Variants in OOEP observed in about 807,000 individuals in gnomAD.
The protein encoded by OOEP is oocyte expressed protein.
A neutral mutation model predicts 13.7 loss-of-function variants in OOEP; 16 were observed. That is an observed-to-expected ratio of 1.16 (90% CI 0.79 to 1.77). The LOEUF (loss-of-function observed/expected upper bound fraction) is 1.77. Among genes scored for constraint, OOEP ranks in the 40% most tolerant of loss-of-function variants. The pLI, the probability that OOEP is intolerant of heterozygous loss-of-function variation, is 0.00. For synonymous variants in OOEP, 89 were observed against 77.1 expected (o/e 1.15, Z -0.81); for missense variants, 195 against 193.1 (o/e 1.01, Z -0.06).
chr6:73,371,171 T>C (rs1769047805), upstream of OOEP, among the ~76,000 whole-genome samples: 1 of 152,198 alleles, frequency 6.6e-6, no homozygotes, highest in Non-Finnish European at 1.5e-5. Flanking sequence ...TAGGACTGTG[T>C]GGAGGTTCCA....
chr6:73,385,215 C>G (rs1157244734), intron 2 of OOEP, among the ~76,000 whole-genome samples: 1 of 151,628 alleles, frequency 6.6e-6, no homozygotes, highest in Admixed American at 6.6e-5. Flanking sequence ...GGTGTGGTGG[C>G]GGGTGCCTGT....
intron 2 of OOEP, among the ~76,000 whole-genome samples, chr6:73,384,554 G>C (rs1769245027): frequency 6.6e-6 from 1 of 151,994 alleles, no homozygotes; most frequent in African/African-American, 2.4e-5. Flanking sequence ...AGCAAACTTG[G>C]TTGGGCATGG....
chr6:73,390,271 G>C (rs1226786718), intron 2 of OOEP, among the ~76,000 whole-genome samples: 1 of 152,162 alleles, frequency 6.6e-6, no homozygotes, highest in Non-Finnish European at 1.5e-5. Context: ...AAGCTTGACA[G>C]ACACAAAATT....
chr6:73,380,418 T>C (rs1473689916), intron 2 of OOEP, among the ~76,000 whole-genome samples: 1 of 152,124 alleles, frequency 6.6e-6, no homozygotes, highest in African/African-American at 2.4e-5. Context: ...TGAGTGTTCA[T>C]AGTAGTGTTT....
At chr6:73,391,919 C>T (rs1176250100) in intron 2 of OOEP, among the ~76,000 whole-genome samples, 2 of 152,194 alleles carry the variant, frequency 1.3e-5, no homozygotes, top group African/African-American at 4.8e-5. Context: ...TTCTTCAAAG[C>T]ACTGGAAGCC....
At chr6:73,382,602 C>T (rs1769225694) in intron 2 of OOEP, among the ~76,000 whole-genome samples, 1 of 151,978 alleles carries the variant, frequency 6.6e-6, no homozygotes. Context: ...CTCAAATGAT[C>T]CTCCTGCCCC....
intron 2 of OOEP, among the ~76,000 whole-genome samples, chr6:73,378,199 C>A (rs1769158304): frequency 6.6e-6 from 1 of 151,942 alleles, no homozygotes; most frequent in Non-Finnish European, 1.5e-5. Context: ...ACTTCCAGGG[C>A]TCAAGCGATC....
At chr6:73,389,197 C>T (rs189464984) in intron 2 of OOEP, among the ~76,000 whole-genome samples, 1 of 152,256 alleles carries the variant, frequency 6.6e-6, no homozygotes, top group African/African-American at 2.4e-5. Flanking sequence ...GCCAGGGCTT[C>T]CCTCCTGAGG....
Position 73,369,719 on chromosome 6 carries a change from C to T in OOEP, c.74G>A (p.Arg25His), listed in dbSNP as rs758304583. ...QTPAHSLEQL[R>H]RLPLPPPQIR... The stretch of plus-strand genomic sequence containing the variant: ...CTGTGGCGGCGGAAGTGGTAACCTA[C>T]GCAGCTGCTCCAGGGAGTGGGCCGG... The change falls in exon 1 of 3, where the codon CGT (arginine) becomes CAT (histidine). Residue 25 changes from arginine (R) to histidine (H), a missense_variant. Coordinates refer to ENST00000370359, the MANE Select transcript of OOEP (RefSeq NM_001080507.3). 6.2e-7 allele frequency: 1 copy of T among 1,614,036 alleles called. No homozygotes were observed. Among genetic ancestry groups the T allele is most frequent in the Non-Finnish European group, 8.5e-7 (1 of 1,179,898 alleles).
At chr6:73,376,979 T>A (rs1242849620) in intron 2 of OOEP, among the ~76,000 whole-genome samples, 1 of 151,988 alleles carries the variant, frequency 6.6e-6, no homozygotes, top group African/African-American at 2.4e-5. Context: ...CTTCCTCTCT[T>A]CCCTAAAATT....
intron 2 of OOEP, among the ~76,000 whole-genome samples, chr6:73,383,583 C>T (rs151032292): frequency 0.033 from 5,052 of 151,908 alleles, 255 homozygotes; most frequent in African/African-American, 0.12. Flanking sequence ...TGCAGTGAGC[C>T]GAGATTGCGC....
upstream of OOEP, chr6:73,395,122 G>C: frequency 6.2e-7 from 1 of 1,613,932 alleles, no homozygotes; most frequent in Non-Finnish European, 8.5e-7. Context: ...GCTGTGTTTT[G>C]CTTTGAAGAG....
intron 2 of OOEP, among the ~76,000 whole-genome samples, chr6:73,390,084 G>A (rs911326449): frequency 3.9e-5 from 6 of 152,060 alleles, no homozygotes; most frequent in Non-Finnish European, 8.8e-5. Context: ...GAAGCTGAGG[G>A]AGGAGAATCA....
At chr6:73,391,393 A>G (rs1769344350) in intron 2 of OOEP, 1 of 152,878 alleles carries the variant, frequency 6.5e-6, no homozygotes, top group Non-Finnish European at 1.5e-5. Flanking sequence ...ATGAGGCAGT[A>G]TATTATCAGG....
Position 73,369,592 on chromosome 6 carries a change from G to C in OOEP, c.190+11C>G. The C allele has an allele frequency of 6.2e-7, 1 of 1,612,010 alleles. No individual in the cohort carries two copies. Among genetic ancestry groups the C allele is most frequent in the East Asian group, 2.2e-5 (1 of 44,840 alleles). ...GGTGGACAGCCCACTAGCACACCTG[G>C]GGTCGCTCACCAAAGAGCTCGTCTG... On this transcript the variant is annotated intron_variant, in intron 1 of 2. Coordinates refer to ENST00000370359, the MANE Select transcript of OOEP (RefSeq NM_001080507.3).
intron 2 of OOEP, among the ~76,000 whole-genome samples, chr6:73,377,051 G>T (rs1212675058): frequency 6.6e-6 from 1 of 152,108 alleles, no homozygotes; most frequent in Non-Finnish European, 1.5e-5. Context: ...TTATATAATT[G>T]TGTTTTACCA....
At chr6:73,385,187 A>C (rs1329022800) in intron 2 of OOEP, among the ~76,000 whole-genome samples, 1 of 151,858 alleles carries the variant, frequency 6.6e-6, no homozygotes, top group Non-Finnish European at 1.5e-5. Flanking sequence ...TCTACTAAAA[A>C]TACAAAAAAA....
At chr6:73,394,832 T>C in exon 1 of OOEP, 1 of 1,565,690 alleles carries the variant, frequency 6.4e-7, no homozygotes, top group Non-Finnish European at 8.6e-7. Context: ...CCTGGCACGC[T>C]ACTCTTACGA....
chr6:73,394,362 T>C, exon 2 of OOEP: 1 of 715,462 alleles, frequency 1.4e-6, no homozygotes, highest in Non-Finnish European at 2.6e-6. Context: ...GGGTCACGGT[T>C]GAAAACATTT....
Sources: allele counts gnomAD v4.1 joint callset (sites outside exome capture counted in the v4.1 genomes callset), GRCh38; gene constraint gnomAD v4.1.1; transcripts MANE v1.5; gene names NCBI Gene and HGNC (gene_info 2026-07-23, HGNC 2026-07-21).